PRKN: variants seen among roughly 807,000 people sequenced by gnomAD.
PRKN encodes the protein E3 ubiquitin-protein ligase parkin.
Under a neutral mutation model 59.5 loss-of-function variants are expected in PRKN, and 56 were observed. The observed-to-expected ratio is 0.94, with a 90% CI of 0.76 to 1.18. The LOEUF is 1.18. PRKN is among the 50% of genes most tolerant of loss of function. The pLI is 0.00. For synonymous variants in PRKN, 250 were observed against 222.1 expected (o/e 1.13, Z -1.12); for missense variants, 657 against 596.4 (o/e 1.10, Z -1.06).
chr6:161,369,546 C>T lies in PRKN; in HGVS notation c.1168-9341G>A, dbSNP rs372088588. Among the ~76,000 whole-genome samples, 520 of 152,132 alleles carry T rather than the reference C, an allele frequency of 3.4e-3. 2 individuals are homozygous for T. The highest frequency in any genetic ancestry group is 0.012 in the African/African-American group (497 of 41,500). ...TTTGTTGTGATTCAGCATCACCGCC[C>T]GATTGTGCAATAAAGTGTGGCTCTC... On this transcript the variant is annotated intron_variant, in intron 10 of 11. Coordinates refer to ENST00000366898, the MANE Select transcript of PRKN (RefSeq NM_004562.3). The surrounding 1 kb of genome is among the most constrained non-coding windows in gnomAD (Gnocchi z 5.8).
intron 1 of PRKN, among the ~76,000 whole-genome samples, chr6:162,598,399 G>C (rs1475546427): frequency 6.6e-6 from 1 of 152,118 alleles, no homozygotes; most frequent in Non-Finnish European, 1.5e-5. Flanking sequence ...ACTCACAACT[G>C]TGAATACAGA....
At chr6:162,385,701 G>A (rs1786765358) in intron 2 of PRKN, among the ~76,000 whole-genome samples, 1 of 152,112 alleles carries the variant, frequency 6.6e-6, no homozygotes, top group East Asian at 1.9e-4. Flanking sequence ...TGGAGTGGGA[G>A]GGAAAGTTTA....
intron 1 of PRKN, among the ~76,000 whole-genome samples, chr6:162,612,332 G>A (rs1263582022): frequency 1.3e-5 from 2 of 151,982 alleles, no homozygotes; most frequent in Non-Finnish European, 2.9e-5. Context: ...CATCTAGTCA[G>A]GGCTGTCCTA....
At position 161,412,009 on chromosome 6, in the gene PRKN, C is replaced by CCCT. The variant is rs147266075; in HGVS notation, c.1084-25133_1084-25132insAGG. Among the ~76,000 whole-genome samples the CCCT allele has an allele frequency of 3.8e-4, 43 of 112,356 alleles. No homozygotes were observed. In the South Asian group the frequency reaches 9.4e-3, roughly 25 times the overall value. The allele number at this position is 112,356 out of a possible 152,430, so 73.7% of individuals were successfully genotyped here. ...ATTCATTCCTTCCTCACTCATTCCT[C>CCCT]CACTCATTCATTCACTCATTCATTC... On this transcript the variant is annotated intron_variant, in intron 9 of 11. Coordinates refer to ENST00000366898, the MANE Select transcript of PRKN (RefSeq NM_004562.3).
chr6:162,256,910 T>G (rs1312238869), intron 3 of PRKN, among the ~76,000 whole-genome samples: 1 of 152,216 alleles, frequency 6.6e-6, no homozygotes, highest in Admixed American at 6.5e-5. Context: ...CAACAACCAA[T>G]GCTGTCATTT....
intron 2 of PRKN, among the ~76,000 whole-genome samples, chr6:162,358,660 T>C (rs1784983688): frequency 6.6e-6 from 1 of 152,172 alleles, no homozygotes; most frequent in Non-Finnish European, 1.5e-5. Context: ...CTTGAGTGGA[T>C]GCATTCAGTT....
intron 2 of PRKN, among the ~76,000 whole-genome samples, chr6:162,279,193 C>T (rs147751467): frequency 0.068 from 10,345 of 151,776 alleles, 486 homozygotes; most frequent in Middle Eastern, 0.16. Context: ...AAAAAATTAG[C>T]CAGGGGTGGT....
At chr6:162,491,930 G>A (rs1318024128) in intron 1 of PRKN, among the ~76,000 whole-genome samples, 1 of 152,200 alleles carries the variant, frequency 6.6e-6, no homozygotes, top group Non-Finnish European at 1.5e-5. Flanking sequence ...ACAGATGGCG[G>A]ACAGTTTGCT....
chr6:162,630,736 T>C (rs1583943150), intron 1 of PRKN, among the ~76,000 whole-genome samples: 1 of 152,078 alleles, frequency 6.6e-6, no homozygotes, highest in Non-Finnish European at 1.5e-5. Context: ...ACATCTTCCC[T>C]TTCACCAAAA....
intron 2 of PRKN, among the ~76,000 whole-genome samples, chr6:162,358,499 G>A (rs113903404): frequency 0.011 from 1,669 of 152,066 alleles, 30 homozygotes; most frequent in African/African-American, 0.038. Flanking sequence ...GACTGTAAAC[G>A]TTTAAATGCT....
chr6:161,606,676 G>A (rs1409813578), intron 7 of PRKN, among the ~76,000 whole-genome samples: 1 of 152,222 alleles, frequency 6.6e-6, no homozygotes, highest in African/African-American at 2.4e-5. Flanking sequence ...ACTGTCTGCA[G>A]AAGGGAAATT....
chr6:161,740,343 G>A (rs1884153), intron 7 of PRKN, among the ~76,000 whole-genome samples: 4,074 of 152,248 alleles, frequency 0.027, 57 homozygotes, highest in Non-Finnish European at 0.034. Context: ...CGTACACAAA[G>A]GTTCACCCCT....
At chr6:162,060,632 T>A (rs1778063342) in intron 4 of PRKN, among the ~76,000 whole-genome samples, 1 of 152,194 alleles carries the variant, frequency 6.6e-6, no homozygotes, top group African/African-American at 2.4e-5. Flanking sequence ...CTATTTCATA[T>A]CCAAATATTA....
chr6:162,219,696 T>C (rs544938346), intron 3 of PRKN, among the ~76,000 whole-genome samples: 3 of 152,150 alleles, frequency 2.0e-5, no homozygotes, highest in Non-Finnish European at 4.4e-5. Context: ...AAAACACTTG[T>C]TTAGATTCAT....
intron 2 of PRKN, among the ~76,000 whole-genome samples, chr6:162,292,728 T>G (rs1781496760): frequency 6.6e-6 from 1 of 152,140 alleles, no homozygotes; most frequent in Non-Finnish European, 1.5e-5. Context: ...CTGCCTTCCT[T>G]AGACCCACCA....
chr6:162,373,141 T>C (rs1003643842), intron 2 of PRKN, among the ~76,000 whole-genome samples: 40 of 140,018 alleles, frequency 2.9e-4, no homozygotes, highest in Middle Eastern at 7.1e-3. Flanking sequence ...AACAGAATAT[T>C]TGGAAAAAAA....
intron 4 of PRKN, 60 bp downstream of exon 4, chr6:162,201,071 C>T (rs938815602): frequency 6.6e-6 from 10 of 1,526,586 alleles, no homozygotes; most frequent in Non-Finnish European, 8.2e-6. Context: ...AACTGAAAGG[C>T]AATGTGTTAG....
At chr6:162,603,751 T>C (rs1781798015) in intron 1 of PRKN, among the ~76,000 whole-genome samples, 1 of 152,112 alleles carries the variant, frequency 6.6e-6, no homozygotes, top group East Asian at 1.9e-4. Context: ...ATGAGCTGCT[T>C]GAGAGAGTAG....
At chr6:161,727,084 G>C (rs569365997) in intron 7 of PRKN, among the ~76,000 whole-genome samples, 29 of 152,302 alleles carry the variant, frequency 1.9e-4, no homozygotes, top group Non-Finnish European at 3.7e-4. Flanking sequence ...TGGATCCTAA[G>C]AGAACAGGAG....
Sources: allele counts gnomAD v4.1 joint callset (sites outside exome capture counted in the v4.1 genomes callset), GRCh38; gene constraint gnomAD v4.1.1; non-coding constraint Gnocchi (gnomAD v3.1); transcripts MANE v1.5; gene names NCBI Gene and HGNC (gene_info 2026-07-23, HGNC 2026-07-21).